Variants in WFDC11 observed in about 807,000 individuals in gnomAD.
WFDC11 encodes WAP four-disulfide core domain 11.
In WFDC11, 9 loss-of-function variants were observed where a neutral mutation model predicts 9.9. That is an observed-to-expected ratio of 0.91 (90% CI 0.55 to 1.58). The LOEUF (loss-of-function observed/expected upper bound fraction) is 1.58, where lower values mean the gene tolerates loss of function less well. Ranked by LOEUF, WFDC11 falls within the 40% of genes most tolerant of loss-of-function variation. The pLI is 0.00. For missense variants in WFDC11, 106 were observed against 101.7 expected, an observed-to-expected ratio of 1.04 and a Z score of -0.18; for synonymous variants, 32 against 33.3, an observed-to-expected ratio of 0.96 and a Z score of 0.13.
intron 2 of WFDC11, among the ~76,000 whole-genome samples, chr20:45,654,759 G>A (rs1465423469): frequency 3.9e-5 from 6 of 152,066 alleles, no homozygotes; most frequent in East Asian, 1.9e-4. Context: ...TATCAACACC[G>A]ATCCCACAGA....
intron 2 of WFDC11, among the ~76,000 whole-genome samples, chr20:45,656,564 A>G (rs570680765): frequency 6.6e-6 from 1 of 152,296 alleles, no homozygotes; most frequent in South Asian, 2.1e-4. Flanking sequence ...AGCAATGGCA[A>G]CAAAAGCCAA....
chr20:45,670,136 A>G (rs1373392734), intron 1 of WFDC11, 42 bp downstream of exon 1: 1 of 151,596 alleles, frequency 6.6e-6, no homozygotes, highest in Non-Finnish European at 1.5e-5. Context: ...ACAGACCAAT[A>G]ACAAGTACCA....
intron 2 of WFDC11, among the ~76,000 whole-genome samples, chr20:45,657,586 A>G (rs1982964481): frequency 6.6e-6 from 1 of 152,096 alleles, no homozygotes; most frequent in African/African-American, 2.4e-5. Context: ...AGTATAATAA[A>G]AAGAAAATGA....
intron 3 of WFDC11, 125 bp from the exon 4 acceptor site, chr20:45,649,524 A>G (rs898739817): frequency 1.9e-5 from 23 of 1,240,902 alleles, no homozygotes; most frequent in Admixed American, 2.3e-5. Context: ...CAAGATATCT[A>G]TTTGCCTTTT....
chr20:45,660,582 C>T (rs908390587), intron 2 of WFDC11, among the ~76,000 whole-genome samples: 1 of 152,112 alleles, frequency 6.6e-6, no homozygotes, highest in Non-Finnish European at 1.5e-5. Flanking sequence ...CACCCCACAA[C>T]AGTCCCCAGA....
chr20:45,662,681 G>A (rs1163301113), intron 2 of WFDC11, among the ~76,000 whole-genome samples: 2 of 152,154 alleles, frequency 1.3e-5, no homozygotes, highest in Non-Finnish European at 2.9e-5. Context: ...AGATAATCAT[G>A]TGGTTTTTGT....
chr20:45,658,402 G>A (rs1363689569), intron 2 of WFDC11, among the ~76,000 whole-genome samples: 1 of 151,992 alleles, frequency 6.6e-6, no homozygotes, highest in Non-Finnish European at 1.5e-5. Context: ...TCTGTTCAGG[G>A]TATCTAATTC....
intron 3 of WFDC11, 114 bp from the exon 4 acceptor site, chr20:45,649,513 C>A (rs1382621952): frequency 1.5e-6 from 2 of 1,313,964 alleles, no homozygotes; most frequent in Non-Finnish European, 2.1e-6. Context: ...CAAATTCCAA[C>A]CAAGATATCT....
chr20:45,669,197 AAAAATT>A (rs1380554943), intron 1 of WFDC11, among the ~76,000 whole-genome samples: 2 of 152,158 alleles, frequency 1.3e-5, no homozygotes, highest in African/African-American at 2.4e-5. Context: ...GCAGATACTA[AAAAATT>A]AAAATTAAAA....
At chr20:45,648,829 C>A in intron 4 of WFDC11, 90 bp from the exon 5 acceptor site, 1 of 1,322,808 alleles carries the variant, frequency 7.6e-7, no homozygotes, top group South Asian at 1.2e-5. Context: ...CCATGTTCAC[C>A]AGACAATGGG....
At chr20:45,667,399 C>A (rs917409436) in intron 1 of WFDC11, among the ~76,000 whole-genome samples, 85 of 152,338 alleles carry the variant, frequency 5.6e-4, no homozygotes, top group African/African-American at 1.8e-3. Flanking sequence ...AACACACACA[C>A]AAGTCTGGCT....
chr20:45,652,750 G>A (rs1415477365), intron 2 of WFDC11, among the ~76,000 whole-genome samples: 1 of 152,196 alleles, frequency 6.6e-6, no homozygotes, highest in Non-Finnish European at 1.5e-5. Flanking sequence ...TTCTGATGGA[G>A]CTGAAAACCA....
intron 2 of WFDC11, among the ~76,000 whole-genome samples, chr20:45,651,197 G>T (rs1982797663): frequency 6.6e-6 from 1 of 152,132 alleles, no homozygotes; most frequent in African/African-American, 2.4e-5. Flanking sequence ...TTTTGAAAAT[G>T]TATTCAACAT....
chr20:45,660,618 A>G (rs183502761), intron 2 of WFDC11, among the ~76,000 whole-genome samples: 35 of 151,788 alleles, frequency 2.3e-4, no homozygotes, highest in Admixed American at 1.9e-3. Flanking sequence ...TTCTGTGTCC[A>G]TGTGTTCTCA....
In WFDC11 at chr20:45,664,991, A is replaced by T. The variant is rs532810676; in HGVS notation, c.-52+2097T>A. ...TGCTAGGTTGCAGAAATTCTCCTGG[A>T]TAACATCCTAAAGAGTGTTTTCCAA... On this transcript the variant is annotated intron_variant, in intron 2 of 4. Coordinates refer to ENST00000324384, the MANE Select transcript of WFDC11 (RefSeq NM_147197.2). Among the ~76,000 whole-genome samples the T allele has an allele frequency of 1.5e-4, 23 of 152,318 alleles. No individual in the cohort carries two copies. In the South Asian group the frequency reaches 2.7e-3, roughly 18 times the overall value.
chr20:45,653,302 C>T lies in WFDC11; in HGVS notation c.-51-2651G>A, dbSNP rs1215905657. On this transcript the variant is annotated intron_variant, in intron 2 of 4. Coordinates refer to ENST00000324384, the MANE Select transcript of WFDC11 (RefSeq NM_147197.2). ...CATTCTTAAAGAAAAGAGTTTTCAACCCAGAATTTCATATCCAGCCAAACT... is the reference window on the plus strand; with the variant it reads ...CATTCTTAAAGAAAAGAGTTTTCAATCCAGAATTTCATATCCAGCCAAACT... 2.6e-5 allele frequency among the ~76,000 whole-genome samples: 4 copies of T among 152,018 alleles called. No individual in the cohort carries two copies. The East Asian group carries it at 5.8e-4, about 22-fold the overall frequency.
At chr20:45,656,618 G>A (rs920502834) in intron 2 of WFDC11, among the ~76,000 whole-genome samples, 3 of 151,668 alleles carry the variant, frequency 2.0e-5, no homozygotes, top group African/African-American at 4.9e-5. Flanking sequence ...CTTCTGCACA[G>A]CAAAGGAAAC....
At chr20:45,659,534 C>A (rs1491002132) in intron 2 of WFDC11, among the ~76,000 whole-genome samples, 1 of 152,102 alleles carries the variant, frequency 6.6e-6, no homozygotes, top group African/African-American at 2.4e-5. Context: ...CTGTTCATAT[C>A]CTTCGCCTAC....
At chr20:45,652,240 A>G (rs1235208875) in intron 2 of WFDC11, among the ~76,000 whole-genome samples, 1 of 152,186 alleles carries the variant, frequency 6.6e-6, no homozygotes, top group East Asian at 1.9e-4. Flanking sequence ...CAAAACTTCC[A>G]GAGGAACGAT....
Sources: allele counts gnomAD v4.1 joint callset (sites outside exome capture counted in the v4.1 genomes callset), GRCh38; gene constraint gnomAD v4.1.1; transcripts MANE v1.5; gene names NCBI Gene and HGNC (gene_info 2026-07-23, HGNC 2026-07-21).